Variants in SLC8B1 observed in about 807,000 individuals in gnomAD.
The protein encoded by SLC8B1 is mitochondrial sodium/calcium exchanger protein.
SLC8B1 carries 52 observed loss-of-function variants against 63.4 expected under a neutral mutation model. The observed-to-expected ratio is 0.82, with a 90% confidence interval of 0.66 to 1.03. The LOEUF (loss-of-function observed/expected upper bound fraction) is 1.03, where lower values mean the gene tolerates loss of function less well. Among genes scored for constraint, SLC8B1 ranks in the 50% least tolerant of loss-of-function variants. The pLI is 0.00. For synonymous variants in SLC8B1, 336 were observed against 323.9 expected, an observed-to-expected ratio of 1.04 and a Z score of -0.40; for missense variants, 657 against 741.7, an observed-to-expected ratio of 0.89 and a Z score of 1.33.
chr12:113,313,674 G>A (rs910149847), intron 11 of SLC8B1, among the ~76,000 whole-genome samples: 3 of 152,148 alleles, frequency 2.0e-5, no homozygotes, highest in South Asian at 2.1e-4. Context: ...TAGAGGTGGA[G>A]GTTGCAGTGA....
At chr12:113,316,807 C>T (rs1458822820) in intron 9 of SLC8B1, 135 bp downstream of exon 9, 5 of 1,483,568 alleles carry the variant, frequency 3.4e-6, no homozygotes, top group Non-Finnish European at 3.7e-6. Context: ...GCCCTTGGCT[C>T]ACCTGAGCTG....
chr12:113,306,570 A>G lies in SLC8B1; in HGVS notation c.1417T>C (p.Phe473Leu), dbSNP rs1203365181. ...LAWGNSIGDA[F>L]SDFTLARQGY... ...TGGCGAGCCAGTGTGAAATCCGAGA[A>G]GGCATCTGCACAGGAACAAGAGGGG... The change falls in exon 14 of 16, where the codon TTC becomes CTC. Residue 473 changes from phenylalanine (F) to leucine (L), a missense_variant. Coordinates refer to ENST00000680972, the MANE Select transcript of SLC8B1 (RefSeq NM_001358345.2). 1 of 1,614,004 alleles carries G rather than the reference A, an allele frequency of 6.2e-7. No individual in the cohort carries two copies. The highest frequency in any genetic ancestry group is 8.5e-7 in the Non-Finnish European group (1 of 1,179,970).
chr12:113,307,019 G>T (rs1414322537), intron 13 of SLC8B1, among the ~76,000 whole-genome samples: 1 of 146,638 alleles, frequency 6.8e-6, no homozygotes, highest in Non-Finnish European at 1.5e-5. Context: ...GCTGAGGCAG[G>T]AGAACTGCTT....
chr12:113,316,736 G>A, intron 9 of SLC8B1, 80 bp from the exon 10 acceptor site: 1 of 1,578,046 alleles, frequency 6.3e-7, no homozygotes, highest in Non-Finnish European at 8.6e-7. Context: ...CATCCCACCA[G>A]TCCTCCCAGC....
chr12:113,299,838 AG>A lies in SLC8B1; in HGVS notation c.1693del (p.Leu565Ter). 1 of 1,614,250 alleles carries A rather than the reference AG, an allele frequency of 6.2e-7. No homozygotes were observed. The highest frequency in any genetic ancestry group is 8.5e-7 in the Non-Finnish European group (1 of 1,180,046). On this transcript the variant is annotated frameshift_variant, in exon 16 of 16. Transcript: ENST00000680972. LOFTEE classifies it high-confidence loss of function. ...VYGFCLLLFY[L>X]NFLVVALLTE... ...GAGGAGGGCCACGACAAGGAAGTTC[AG>A]GTAGAAGAGGAGCAGGCAGAAGCCA... is the stretch of plus-strand genomic sequence containing the variant.
chr12:113,302,496 T>C (rs979603251), intron 15 of SLC8B1: 5 of 372,416 alleles, frequency 1.3e-5, no homozygotes, highest in African/African-American at 6.3e-5. Context: ...ACTAACACTA[T>C]CTATGGTATA....
intron 11 of SLC8B1, among the ~76,000 whole-genome samples, chr12:113,311,307 G>A (rs61932122): frequency 0.049 from 7,517 of 152,252 alleles, 261 homozygotes; most frequent in Middle Eastern, 0.065. Context: ...AAAATTAGCC[G>A]GGGGTGGTGG....
chr12:113,316,810 C>T, intron 9 of SLC8B1, 132 bp downstream of exon 9: 1 of 1,484,632 alleles, frequency 6.7e-7, no homozygotes, highest in Non-Finnish European at 9.2e-7. Context: ...CTTGGCTCAC[C>T]TGAGCTGCAG....
At chr12:113,304,980 C>A (rs1956651735) in intron 14 of SLC8B1, among the ~76,000 whole-genome samples, 1 of 152,182 alleles carries the variant, frequency 6.6e-6, no homozygotes, top group East Asian at 1.9e-4. Context: ...CTGAGGAGAC[C>A]CTATCTTTTT....
intron 15 of SLC8B1, among the ~76,000 whole-genome samples, chr12:113,303,533 T>C (rs943720561): frequency 4.6e-5 from 7 of 152,186 alleles, no homozygotes; most frequent in African/African-American, 1.7e-4. Flanking sequence ...TTGCTGAGTC[T>C]CTGGACTCAA....
At chr12:113,301,830 G>A (rs914169116) in intron 15 of SLC8B1, among the ~76,000 whole-genome samples, 4 of 152,148 alleles carry the variant, frequency 2.6e-5, no homozygotes, top group African/African-American at 4.8e-5. Flanking sequence ...CTTGTCCAAG[G>A]TGCTCAGCAG....
At chr12:113,306,326 A>G (rs1404075314) in intron 14 of SLC8B1, among the ~76,000 whole-genome samples, 169 bp downstream of exon 14, 1 of 152,080 alleles carries the variant, frequency 6.6e-6, no homozygotes, top group African/African-American at 2.4e-5. Context: ...CTTGGAGGTT[A>G]GCACTCCCCA....
At chr12:113,315,829 G>A (rs564315159) in intron 10 of SLC8B1, among the ~76,000 whole-genome samples, 4 of 152,208 alleles carry the variant, frequency 2.6e-5, no homozygotes, top group Non-Finnish European at 4.4e-5. Flanking sequence ...TGCTCCTGTC[G>A]CCACTTCTCA....
chr12:113,312,639 A>G (rs1302903472), intron 11 of SLC8B1, among the ~76,000 whole-genome samples: 2 of 152,176 alleles, frequency 1.3e-5, no homozygotes, highest in African/African-American at 4.8e-5. Flanking sequence ...GACGGGGGTC[A>G]AGAGTGCTTT....
intron 11 of SLC8B1, among the ~76,000 whole-genome samples, chr12:113,311,692 G>A (rs949108764): frequency 2.3e-5 from 3 of 128,314 alleles, no homozygotes; most frequent in Non-Finnish European, 4.7e-5. Flanking sequence ...TGATTGTCAA[G>A]GGGGATTTTT....
chr12:113,325,587 C>T (rs572030716), intron 2 of SLC8B1, among the ~76,000 whole-genome samples: 43 of 140,618 alleles, frequency 3.1e-4, no homozygotes, highest in African/African-American at 1.1e-3. Flanking sequence ...TTTTTTGAGA[C>T]GGAGTCTCGC....
At chr12:113,313,186 G>A (rs939136756) in intron 11 of SLC8B1, among the ~76,000 whole-genome samples, 20 of 152,224 alleles carry the variant, frequency 1.3e-4, no homozygotes, top group Admixed American at 5.2e-4. Context: ...GATTACAGGC[G>A]TGAGCCACCA....
chr12:113,305,270 C>T lies in SLC8B1; in HGVS notation c.1493-885G>A, dbSNP rs1272396026. Among the ~76,000 whole-genome samples, 8 of 152,216 alleles carry T rather than the reference C, an allele frequency of 5.3e-5. No homozygotes were observed. Among genetic ancestry groups the T allele is most frequent in the Non-Finnish European group, 8.8e-5 (6 of 68,036 alleles). On this transcript the variant is annotated intron_variant, in intron 14 of 15. Transcript: ENST00000680972. This position sits in a 1 kb window ranked among gnomAD's most constrained non-coding sequence, Gnocchi z 4.3. ...AAAGCCAGGAGTAGGCCTCAGTGGG[C>T]GCAAAAGGGCCACCAAGGGCCTTGC... is the stretch of plus-strand genomic sequence containing the variant.
chr12:113,321,058 C>A lies in SLC8B1; in HGVS notation c.360G>T (p.Lys120Asn). 6.2e-7 allele frequency: 1 copy of A among 1,612,626 alleles called. No individual in the cohort carries two copies. The highest frequency in any genetic ancestry group is 1.1e-5 in the South Asian group (1 of 90,830). ...LFLILGVTAA[K>N]FFCPNLSAIS... ...CCGGAGCCCAGAGCCAAACTCACAACTTGGCTGCGGTGACTCCCAGAATCA... is the reference window on the plus strand; with the variant it reads ...CCGGAGCCCAGAGCCAAACTCACAAATTGGCTGCGGTGACTCCCAGAATCA... Residue 120 changes from lysine to asparagine, a missense_variant and splice_region_variant, in exon 4 of 16, where the codon AAG (lysine) becomes AAT (asparagine). Lys to Asn is a moderately conservative substitution (Grantham distance 94, BLOSUM62 0). Coordinates refer to ENST00000680972, the MANE Select transcript of SLC8B1 (RefSeq NM_001358345.2).
Sources: gnomAD v4.1 joint callset for allele counts (sites outside exome capture counted in the v4.1 genomes callset) on GRCh38, gnomAD v4.1.1 for gene constraint, Gnocchi (gnomAD v3.1) non-coding constraint, MANE v1.5 for transcripts, NCBI Gene and HGNC (gene_info 2026-07-23, HGNC 2026-07-21) for gene names.